The following DPY19L4 variants were observed in gnomAD, a reference collection of about 807,000 sequenced individuals.
The protein encoded by DPY19L4 is dpy-19 like 4.
In DPY19L4, 97 loss-of-function variants were observed where a neutral mutation model predicts 102.8. The ratio of observed to expected loss-of-function variants is 0.94; its 90% CI spans 0.80 to 1.12. DPY19L4 has a LOEUF of 1.12. DPY19L4 is among the 50% of genes most tolerant of loss of function. DPY19L4 has a pLI of 0.00. For synonymous variants in DPY19L4, 252 were observed against 283.1 expected, an observed-to-expected ratio of 0.89 and a Z score of 1.10; for missense variants, 815 against 850.4, an observed-to-expected ratio of 0.96 and a Z score of 0.52.
At chr8:94,763,958 G>A (rs1420571177) in intron 8 of DPY19L4, among the ~76,000 whole-genome samples, 2 of 152,128 alleles carry the variant, frequency 1.3e-5, no homozygotes, top group Non-Finnish European at 2.9e-5. Context: ...ATAGATGTGA[G>A]CCACCGAGTC....
rs112446251 is a variant in DPY19L4 at position 94,738,734 on chromosome 8, G to A, written c.343+275G>A. ...TCACCATGTTGGCCAGGCTGGTCTC[G>A]AACTCTTGACCTCATGATCTGCCCG... On this transcript the variant is annotated intron_variant, in intron 4 of 18. Coordinates refer to ENST00000414645, the MANE Select transcript of DPY19L4 (RefSeq NM_181787.3). 4.8e-3 allele frequency among the ~76,000 whole-genome samples: 735 copies of A among 151,966 alleles called. 7 individuals carry two copies. Among genetic ancestry groups the A allele is most frequent in the African/African-American group, 0.016 (679 of 41,480 alleles).
intron 1 of DPY19L4, among the ~76,000 whole-genome samples, chr8:94,720,556 G>A (rs991157703): frequency 1.8e-4 from 27 of 152,260 alleles, no homozygotes; most frequent in African/African-American, 6.0e-4. Flanking sequence ...TAGGTTCAGG[G>A]GAAAATGGTA....
chr8:94,785,485 A>T (rs961011239), intron 17 of DPY19L4, among the ~76,000 whole-genome samples: 2 of 152,238 alleles, frequency 1.3e-5, no homozygotes, highest in Non-Finnish European at 2.9e-5. Flanking sequence ...AAAAAGTAAC[A>T]TGAGCCAAGG....
rs114305034 is a variant in DPY19L4 at position 94,746,971 on chromosome 8, C to G, written c.611+7181C>G. ...CTGTACAACTGGGTGCTGTGAATGACTCAGTTCTCATCATTTTGGCTCTGT... is the reference window on the plus strand; with the variant it reads ...CTGTACAACTGGGTGCTGTGAATGAGTCAGTTCTCATCATTTTGGCTCTGT... On this transcript the variant is annotated intron_variant, in intron 6 of 18. Coordinates refer to ENST00000414645, the MANE Select transcript of DPY19L4 (RefSeq NM_181787.3). Among the ~76,000 whole-genome samples, 1,125 of 152,234 alleles carry G rather than the reference C, an allele frequency of 7.4e-3. 6 individuals carry two copies. Among genetic ancestry groups the G allele is most frequent in the African/African-American group, 0.022 (900 of 41,540 alleles).
At chr8:94,745,544 G>A (rs1811634524) in intron 6 of DPY19L4, among the ~76,000 whole-genome samples, 1 of 152,136 alleles carries the variant, frequency 6.6e-6, no homozygotes, top group African/African-American at 2.4e-5. Context: ...AAATGTACAT[G>A]TCCCAGAGAT....
intron 2 of DPY19L4, among the ~76,000 whole-genome samples, chr8:94,734,249 G>C (rs1027635232): frequency 3.3e-5 from 5 of 152,036 alleles, no homozygotes; most frequent in African/African-American, 1.2e-4. Flanking sequence ...GTTTCACCAT[G>C]TTGGCCAGGC....
intron 7 of DPY19L4, among the ~76,000 whole-genome samples, chr8:94,761,003 A>G (rs1275330182): frequency 1.3e-5 from 2 of 152,222 alleles, no homozygotes; most frequent in Admixed American, 1.3e-4. Flanking sequence ...GAAATGAAAA[A>G]AGCAAAGACA....
intron 6 of DPY19L4, among the ~76,000 whole-genome samples, chr8:94,749,198 A>C (rs1811811123): frequency 6.6e-6 from 1 of 152,142 alleles, no homozygotes; most frequent in Non-Finnish European, 1.5e-5. Context: ...TGGGAGCTAC[A>C]TTCAAGATTA....
chr8:94,741,343 A>C (rs1389420133), intron 6 of DPY19L4, among the ~76,000 whole-genome samples: 2 of 152,116 alleles, frequency 1.3e-5, no homozygotes, highest in Admixed American at 1.3e-4. Flanking sequence ...CAGTTGTAAC[A>C]CCAGTTTGTA....
chr8:94,737,857 T>C (rs191605060), intron 3 of DPY19L4, among the ~76,000 whole-genome samples: 1 of 151,630 alleles, frequency 6.6e-6, no homozygotes, highest in East Asian at 2.0e-4. Context: ...CCCCCTTCTT[T>C]ACAAAAAAAT....
rs537109876 is a variant in DPY19L4 at position 94,767,514 on chromosome 8, C to T, written c.1175+829C>T. Among the ~76,000 whole-genome samples, 43 of 152,122 alleles carry T rather than the reference C, an allele frequency of 2.8e-4. 1 individual carries two copies. The highest frequency in any genetic ancestry group is 2.7e-3 in the South Asian group (13 of 4,808). ...TTCACTGTGTTAGTCAGGATGGCCT[C>T]GATCTCCTGACTCGTGATCTGCCCG... is the stretch of plus-strand genomic sequence containing the variant. On this transcript the variant is annotated intron_variant, in intron 11 of 18. Transcript: ENST00000414645.
chr8:94,726,312 ATG>A lies in DPY19L4; in HGVS notation c.17-17_17-16del. The A allele has an allele frequency of 5.1e-6, 8 of 1,577,662 alleles. No individual in the cohort carries two copies. Among genetic ancestry groups the A allele is most frequent in the Non-Finnish European group, 6.9e-6 (8 of 1,166,356 alleles). On this transcript the variant is annotated splice_polypyrimidine_tract_variant and intron_variant, in intron 1 of 18. Transcript: ENST00000414645. ...ACAATTTTATACACACATTGCAATA[ATG>A]TCTTAAATATTTTAAGGACCACCTG...
Position 94,723,254 on chromosome 8 carries a change from C to T in DPY19L4, c.17-3077C>T, listed in dbSNP as rs570569954. ...TTGGGAGGCCGAGGCGGGCAAATCA[C>T]GAGGTCAGGAGTTTGAGGCCAGCCT... On this transcript the variant is annotated intron_variant, in intron 1 of 18. Coordinates refer to ENST00000414645, the MANE Select transcript of DPY19L4 (RefSeq NM_181787.3). Among the ~76,000 whole-genome samples, 7 of 152,248 alleles carry T rather than the reference C, an allele frequency of 4.6e-5. No individual in the cohort carries two copies. The East Asian group carries it at 9.7e-4, about 21-fold the overall frequency.
In DPY19L4 at chr8:94,793,797, A is replaced by G. The variant is rs570884181; in HGVS notation, c.*3887A>G. ...TTCTGTACATTAATGTCTAAACATT[A>G]TACTTACTTTTTCATAATAAAGGAA... On this transcript the variant is annotated 3_prime_UTR_variant, in exon 19 of 19. Coordinates refer to ENST00000414645, the MANE Select transcript of DPY19L4 (RefSeq NM_181787.3). 1 of 152,226 alleles carries G rather than the reference A, an allele frequency of 6.6e-6. No homozygotes were observed. The highest frequency in any genetic ancestry group is 1.5e-5 in the Non-Finnish European group (1 of 68,028). The allele number at this position is 152,226 out of a possible 1,614,324, so 9.4% of individuals were successfully genotyped here.
chr8:94,748,621 A>AATGATGATGATGATGACG (rs1191605637), intron 6 of DPY19L4, among the ~76,000 whole-genome samples: 3 of 151,586 alleles, frequency 2.0e-5, no homozygotes, highest in African/African-American at 4.9e-5. Flanking sequence ...CAGCAGTGAC[A>AATGATGATGATGATGACG]ATGATGATGA....
chr8:94,764,689 G>GTGTGTGTGTGTAGATA (rs1415377058), intron 8 of DPY19L4, among the ~76,000 whole-genome samples: 1 of 43,206 alleles, frequency 2.3e-5, no homozygotes, highest in African/African-American at 1.1e-4. Flanking sequence ...GTCTGTGTGT[G>GTGTGTGTGTGTAGATA]TATATATATA....
intron 1 of DPY19L4, among the ~76,000 whole-genome samples, chr8:94,723,233 G>A (rs1012647181): frequency 6.6e-6 from 1 of 152,230 alleles, no homozygotes; most frequent in African/African-American, 2.4e-5. Context: ...AGCACTTTGG[G>A]AGGCCGAGGC....
Position 94,789,755 on chromosome 8 carries a change from G to T in DPY19L4, c.2017G>T (p.Glu673Ter). The T allele has an allele frequency of 6.3e-7, 1 of 1,597,238 alleles. No individual in the cohort carries two copies. Among genetic ancestry groups the T allele is most frequent in the Non-Finnish European group, 8.5e-7 (1 of 1,173,908 alleles). Residue 673 changes from glutamate to a stop codon, truncating the protein, a stop_gained, in exon 19 of 19, where the codon GAA (glutamate) becomes TAA (stop). Transcript: ENST00000414645. LOFTEE classifies it high-confidence loss of function. ...TTATATCTTTTAATAGATGGTTTGT[G>T]AAGAAGGTGACAAGCTAACCTACTC... ...LDIANGHMVC[E>*]EGDKLTYSKY... is the part of the protein sequence containing the mutation.
At chr8:94,778,655 G>T (rs899211057) in intron 14 of DPY19L4, among the ~76,000 whole-genome samples, 3 of 151,296 alleles carry the variant, frequency 2.0e-5, no homozygotes, top group Non-Finnish European at 4.4e-5. Flanking sequence ...ACTCAATTCT[G>T]TTTTTCTTTT....
Sources: allele counts gnomAD v4.1 joint callset (sites outside exome capture counted in the v4.1 genomes callset), GRCh38; gene constraint gnomAD v4.1.1; transcripts MANE v1.5; gene names NCBI Gene and HGNC (gene_info 2026-07-23, HGNC 2026-07-21).